Variants in RAP1GAP observed in about 807,000 individuals in gnomAD.
RAP1GAP encodes rap1 GTPase-activating protein 1.
A neutral mutation model predicts 87.2 loss-of-function variants in RAP1GAP; 35 were observed. The observed-to-expected ratio is 0.40, with a 90% CI of 0.31 to 0.53. The LOEUF (loss-of-function observed/expected upper bound fraction) is 0.53, where lower values mean the gene tolerates loss of function less well. RAP1GAP is among the 20% of genes least tolerant of loss of function. The pLI, the probability that RAP1GAP is intolerant of heterozygous loss-of-function variation, is 0.48. For missense variants in RAP1GAP, 734 were observed against 898.9 expected, an observed-to-expected ratio of 0.82 and a Z score of 2.35; for synonymous variants, 375 against 363.9, an observed-to-expected ratio of 1.03 and a Z score of -0.35.
intron 10 of RAP1GAP, 122 bp from the exon 11 acceptor site, chr1:21,612,231 C>A: frequency 1.3e-6 from 1 of 785,172 alleles, no homozygotes; most frequent in Non-Finnish European, 2.2e-6. Flanking sequence ...ATTCTCAGAA[C>A]AAGCCTGGGA....
chr1:21,663,884 G>A (rs574167550), intron 1 of RAP1GAP, among the ~76,000 whole-genome samples: 3 of 152,198 alleles, frequency 2.0e-5, no homozygotes, highest in Non-Finnish European at 4.4e-5. Context: ...TCTCAGGGGA[G>A]TCTGAGGAAC....
chr1:21,605,057 G>C (rs533841793), intron 18 of RAP1GAP, among the ~76,000 whole-genome samples: 14 of 146,566 alleles, frequency 9.6e-5, no homozygotes, highest in African/African-American at 3.0e-4. Flanking sequence ...GGATGGGTGG[G>C]TGGATGGATG....
intron 5 of RAP1GAP, 109 bp downstream of exon 5, chr1:21,618,916 A>T: frequency 7.8e-7 from 1 of 1,274,128 alleles, no homozygotes; most frequent in Non-Finnish European, 1.1e-6. Flanking sequence ...ACACTGTAAG[A>T]CTACTTGCTG....
At chr1:21,631,269 T>C (rs181734431) in intron 2 of RAP1GAP, among the ~76,000 whole-genome samples, 2 of 152,338 alleles carry the variant, frequency 1.3e-5, no homozygotes, top group Admixed American at 1.3e-4. Context: ...GCCCAGAGCA[T>C]GCCGGGACAT....
At chr1:21,667,465 G>GT (rs1427150913) in intron 1 of RAP1GAP, 1 of 152,348 alleles carries the variant, frequency 6.6e-6, no homozygotes, top group Non-Finnish European at 1.5e-5. Context: ...AGCTGGGAAG[G>GT]TCCCAGGGTG....
rs114189414 is a variant in RAP1GAP at position 21,634,737 on chromosome 1, T to A, written c.-112-8340A>T. 239 of 468,732 alleles carry A rather than the reference T, an allele frequency of 5.1e-4. 2 individuals carry two copies. The highest frequency in any genetic ancestry group is 4.4e-3 in the African/African-American group (222 of 50,492). 29.0% of individuals were successfully genotyped at this position (468,732 alleles called of 1,614,324 possible). ...ACCGGTCCCTGCCCAGGGCACAGCA[T>A]CTGGGAACCAGGCCACCCATTTACC... On this transcript the variant is annotated intron_variant, in intron 2 of 24. Coordinates refer to ENST00000374765, the MANE Select transcript of RAP1GAP (RefSeq NM_002885.4). The surrounding 1 kb of genome is among the most constrained non-coding windows in gnomAD (Gnocchi z 4.1).
At chr1:21,612,216 A>G (rs61037119) in intron 10 of RAP1GAP, 107 bp from the exon 11 acceptor site, 3 of 846,558 alleles carry the variant, frequency 3.5e-6, no homozygotes, top group South Asian at 2.9e-5. Flanking sequence ...ACGTCACGTC[A>G]TGTGATTCTC....
At chr1:21,626,473 G>A in intron 2 of RAP1GAP, 76 bp from the exon 3 acceptor site, 1 of 1,203,932 alleles carries the variant, frequency 8.3e-7, no homozygotes, top group African/African-American at 1.5e-5. Context: ...GTCACTCTCA[G>A]AGCTGGGGGA....
At chr1:21,604,666 T>A (rs2072452933) in intron 18 of RAP1GAP, among the ~76,000 whole-genome samples, 1 of 151,940 alleles carries the variant, frequency 6.6e-6, no homozygotes. Flanking sequence ...CGCATGACAG[T>A]GTGCTTGGTG....
intron 18 of RAP1GAP, 85 bp downstream of exon 18, chr1:21,605,981 A>G (rs963553827): frequency 1.4e-6 from 2 of 1,443,566 alleles, no homozygotes; most frequent in African/African-American, 2.8e-5. Flanking sequence ...CAACAGAGAG[A>G]GTTGGAGTCA....
chr1:21,618,979 C>G (rs2084438947), intron 5 of RAP1GAP, 46 bp downstream of exon 5: 1 of 1,549,622 alleles, frequency 6.5e-7, no homozygotes, highest in Non-Finnish European at 8.8e-7. Flanking sequence ...CTTCCCGGAC[C>G]CCCTCCACCC....
chr1:21,667,810 G>A (rs1558952862), intron 1 of RAP1GAP: 2 of 152,264 alleles, frequency 1.3e-5, no homozygotes, highest in Non-Finnish European at 2.9e-5. Flanking sequence ...TTCAGCGCCT[G>A]CCCTGAAATA....
rs1280000932 is a variant in RAP1GAP at position 21,609,380 on chromosome 1, T to C, written c.1071+195A>G. On this transcript the variant is annotated intron_variant, in intron 15 of 24. Transcript: ENST00000374765. The surrounding 1 kb of genome is among the most constrained non-coding windows in gnomAD (Gnocchi z 4.4). ...TGTAAAACAATCGTGTAGTTTATCC[T>C]GTGACCTTGTGAAAAAAAAAAAAAA... Among the ~76,000 whole-genome samples, 1 of 141,874 alleles carries C rather than the reference T, an allele frequency of 7.0e-6. No homozygotes were observed. The highest frequency in any genetic ancestry group is 1.5e-5 in the Non-Finnish European group (1 of 65,620). The allele number at this position is 141,874 out of a possible 152,430, so 93.1% of individuals were successfully genotyped here. A position where few individuals can be genotyped will look rare whatever the true frequency, so the allele number is the denominator to read the frequency against.
intron 1 of RAP1GAP, among the ~76,000 whole-genome samples, chr1:21,655,040 TGA>T (rs2096802350): frequency 6.7e-6 from 1 of 150,226 alleles, no homozygotes; most frequent in South Asian, 2.1e-4. Context: ...CTTGGGAGGC[TGA>T]GACAGGAGAA....
At chr1:21,619,455 G>A (rs1360120564) in intron 4 of RAP1GAP, among the ~76,000 whole-genome samples, 3 of 152,074 alleles carry the variant, frequency 2.0e-5, no homozygotes, top group African/African-American at 7.3e-5. Flanking sequence ...AGAGAAATAG[G>A]AGGCATTGGA....
rs1274055736 is a variant in RAP1GAP at position 21,609,881 on chromosome 1, G to A, written c.1000-235C>T. On this transcript the variant is annotated intron_variant, in intron 14 of 24. Coordinates refer to ENST00000374765, the MANE Select transcript of RAP1GAP (RefSeq NM_002885.4). The surrounding 1 kb of genome is among the most constrained non-coding windows in gnomAD (Gnocchi z 4.4). ...CATCGGGATGGTGAAGGCAGAGGAG[G>A]CTACGGGAGGTGGAGGACAGTGATA... 6.6e-6 allele frequency among the ~76,000 whole-genome samples: 1 copy of A among 152,212 alleles called. No homozygotes were observed. Among genetic ancestry groups the A allele is most frequent in the East Asian group, 1.9e-4 (1 of 5,198 alleles).
rs772837472 is a variant in RAP1GAP, at chr1:21,603,596, T to A, written c.1429-683A>T. The stretch of plus-strand genomic sequence containing the variant: ...GATCCTGGCAGGGACTGGGCCAGGG[T>A]CCCAGGGGCCAAGGCAGGGCCAGAA... On this transcript the variant is annotated intron_variant, in intron 18 of 24. Coordinates refer to ENST00000374765, the MANE Select transcript of RAP1GAP (RefSeq NM_002885.4). The surrounding 1 kb of genome is among the most constrained non-coding windows in gnomAD (Gnocchi z 6.0). 5 of 681,538 alleles carry A rather than the reference T, an allele frequency of 7.3e-6. No individual in the cohort carries two copies. The East Asian group carries it at 1.3e-4, about 18-fold the overall frequency. The allele number at this position is 681,538 out of a possible 1,614,324, so 42.2% of individuals were successfully genotyped here.
intron 13 of RAP1GAP, among the ~76,000 whole-genome samples, chr1:21,610,659 G>A (rs979561945): frequency 6.6e-6 from 1 of 152,272 alleles, no homozygotes; most frequent in South Asian, 2.1e-4. Context: ...GTGCTATAAT[G>A]AGCTATAATG....
chr1:21,599,677 C>T, intron 20 of RAP1GAP, 60 bp from the exon 21 acceptor site: 1 of 1,566,802 alleles, frequency 6.4e-7, no homozygotes, highest in South Asian at 1.2e-5. Flanking sequence ...GGGCCAGGCC[C>T]TCACTCCCTT....
Sources: gnomAD v4.1 joint callset for allele counts (sites outside exome capture counted in the v4.1 genomes callset) on GRCh38, gnomAD v4.1.1 for gene constraint, Gnocchi (gnomAD v3.1) non-coding constraint, MANE v1.5 for transcripts, NCBI Gene and HGNC (gene_info 2026-07-23, HGNC 2026-07-21) for gene names.